KCNMB2: variants seen among roughly 807,000 people sequenced by gnomAD.
KCNMB2 encodes potassium calcium-activated channel subfamily M regulatory beta subunit 2, also known as calcium-activated potassium channel subunit beta-2.
A neutral mutation model predicts 24.5 loss-of-function variants in KCNMB2; 9 were observed. The ratio of observed to expected loss-of-function variants is 0.37; its 90% CI spans 0.22 to 0.64. KCNMB2 has a LOEUF of 0.64. Among genes scored for constraint, KCNMB2 ranks in the 30% least tolerant of loss-of-function variants. The probability of loss-of-function intolerance (pLI) is 0.63; values close to 1 mark genes in which losing one functional copy is unlikely to be tolerated. For missense variants in KCNMB2, 226 were observed against 284.3 expected, an observed-to-expected ratio of 0.79 and a Z score of 1.47; for synonymous variants, 109 against 104.4, an observed-to-expected ratio of 1.04 and a Z score of -0.27.
At chr3:178,696,329 G>A (rs1393750800) in intron 1 of KCNMB2, among the ~76,000 whole-genome samples, 1 of 152,146 alleles carries the variant, frequency 6.6e-6, no homozygotes, top group Middle Eastern at 3.2e-3. Flanking sequence ...ACCATATCAG[G>A]TGAATGTGTA....
chr3:178,759,507 A>C (rs542339375), intron 1 of KCNMB2, among the ~76,000 whole-genome samples: 2 of 125,298 alleles, frequency 1.6e-5, no homozygotes, highest in Non-Finnish European at 3.3e-5. Flanking sequence ...GGATATATAT[A>C]TATCTCTCCA....
At chr3:178,743,061 G>A (rs749543830) in intron 1 of KCNMB2, among the ~76,000 whole-genome samples, 2 of 152,132 alleles carry the variant, frequency 1.3e-5, no homozygotes, top group African/African-American at 2.4e-5. Context: ...TTCCTAGAAG[G>A]GAAAGTAAAG....
intron 1 of KCNMB2, among the ~76,000 whole-genome samples, chr3:178,750,382 C>CA (rs111692939): frequency 4.3e-4 from 64 of 149,558 alleles, no homozygotes; most frequent in African/African-American, 3.9e-4. Flanking sequence ...CAGCCTTCTA[C>CA]AAAAAAAAAC....
At chr3:178,671,198 G>A (rs983105177) in intron 1 of KCNMB2, among the ~76,000 whole-genome samples, 5 of 151,152 alleles carry the variant, frequency 3.3e-5, no homozygotes, top group African/African-American at 9.8e-5. Flanking sequence ...TAAAGAAATC[G>A]AGAGAATCAA....
chr3:178,737,113 T>C (rs562108758), intron 1 of KCNMB2, among the ~76,000 whole-genome samples: 1 of 152,118 alleles, frequency 6.6e-6, no homozygotes, highest in Non-Finnish European at 1.5e-5. Context: ...CTACTAAAAA[T>C]ACAAAAATTA....
chr3:178,594,397 G>A lies in KCNMB2; in HGVS notation c.-68+57686G>A, dbSNP rs1337612304. ...AGTGTGGAAGCAGTGAAGATGGTGGGAAGTTGCCAGATTCTGGATGTGTTT... is the reference window on the plus strand; with the variant it reads ...AGTGTGGAAGCAGTGAAGATGGTGGAAAGTTGCCAGATTCTGGATGTGTTT... On this transcript the variant is annotated intron_variant, in intron 1 of 4. Transcript: ENST00000452583. 2.0e-5 allele frequency among the ~76,000 whole-genome samples: 3 copies of A among 152,094 alleles called. 1 individual carries two copies. Among genetic ancestry groups the A allele is most frequent in the African/African-American group, 7.2e-5 (3 of 41,404 alleles).
intron 1 of KCNMB2, among the ~76,000 whole-genome samples, chr3:178,599,734 C>T (rs1005200797): frequency 6.6e-6 from 1 of 152,132 alleles, no homozygotes; most frequent in African/African-American, 2.4e-5. Flanking sequence ...AAAACTGAAA[C>T]TTCATACCCA....
At chr3:178,700,683 T>C (rs1367410745) in intron 1 of KCNMB2, among the ~76,000 whole-genome samples, 1 of 152,098 alleles carries the variant, frequency 6.6e-6, no homozygotes, top group African/African-American at 2.4e-5. Context: ...TTGCAACATA[T>C]ATTACTCGTG....
chr3:178,607,833 T>A (rs1030413239), intron 1 of KCNMB2, among the ~76,000 whole-genome samples: 4 of 152,126 alleles, frequency 2.6e-5, no homozygotes, highest in African/African-American at 9.7e-5. Flanking sequence ...TAAAATGAGA[T>A]TTTCTTTATA....
chr3:178,699,765 C>T (rs140685391), intron 1 of KCNMB2, among the ~76,000 whole-genome samples: 269 of 152,332 alleles, frequency 1.8e-3, no homozygotes, highest in Middle Eastern at 0.01. Context: ...CCTGACCGTG[C>T]TCCACTACAG....
intron 1 of KCNMB2, among the ~76,000 whole-genome samples, chr3:178,547,263 A>G (rs1460004646): frequency 6.6e-6 from 1 of 152,168 alleles, no homozygotes; most frequent in Non-Finnish European, 1.5e-5. Context: ...CAGGTGTGTA[A>G]GAAATAAATC....
At chr3:178,753,248 CTCAT>C (rs1723910055) in intron 1 of KCNMB2, among the ~76,000 whole-genome samples, 1 of 152,188 alleles carries the variant, frequency 6.6e-6, no homozygotes, top group Non-Finnish European at 1.5e-5. Context: ...CACTCTAACA[CTCAT>C]TCATTCAACA....
At chr3:178,540,765 C>T (rs986613535) in intron 1 of KCNMB2, among the ~76,000 whole-genome samples, 1 of 152,192 alleles carries the variant, frequency 6.6e-6, no homozygotes, top group African/African-American at 2.4e-5. Context: ...CCCCTTTGTA[C>T]ACTTCTTATT....
At chr3:178,557,580 T>G (rs901807346) in intron 1 of KCNMB2, among the ~76,000 whole-genome samples, 2 of 152,206 alleles carry the variant, frequency 1.3e-5, no homozygotes, top group African/African-American at 4.8e-5. Flanking sequence ...CTACCCTTAT[T>G]CGTTGGCCAT....
chr3:178,678,374 C>T (rs940377449), intron 1 of KCNMB2, among the ~76,000 whole-genome samples: 3 of 152,186 alleles, frequency 2.0e-5, no homozygotes, highest in African/African-American at 7.2e-5. Flanking sequence ...GAGCCCATTC[C>T]CTCTTGCCTG....
intron 1 of KCNMB2, among the ~76,000 whole-genome samples, chr3:178,781,204 G>C (rs1372717798): frequency 6.8e-6 from 1 of 147,552 alleles, no homozygotes; most frequent in Non-Finnish European, 1.5e-5. Context: ...AATTATATAT[G>C]TGACACATTC....
intron 1 of KCNMB2, among the ~76,000 whole-genome samples, chr3:178,632,321 G>A (rs1298560157): frequency 6.6e-6 from 1 of 152,166 alleles, no homozygotes; most frequent in Non-Finnish European, 1.5e-5. Flanking sequence ...TGGTGTATTA[G>A]TCCATTCTCA....
chr3:178,708,093 A>G (rs1722336881), intron 1 of KCNMB2, among the ~76,000 whole-genome samples: 1 of 152,164 alleles, frequency 6.6e-6, no homozygotes, highest in Admixed American at 6.6e-5. Context: ...GCCAAAGTTT[A>G]TCTTTTAAGA....
chr3:178,843,465 G>C lies in KCNMB2; in HGVS notation c.*528G>C, dbSNP rs545137635. The C allele has an allele frequency of 3.6e-5, 6 of 168,742 alleles. No individual in the cohort carries two copies. In the South Asian group the frequency reaches 7.2e-4, roughly 20 times the overall value. The allele number at this position is 168,742 out of a possible 1,614,324, so 10.5% of individuals were successfully genotyped here. ...TTTACCATATCACTGTAAAGAAGAG[G>C]GGAAACCCAGCCAGCTACTTTTTTT... On this transcript the variant is annotated 3_prime_UTR_variant, in exon 5 of 5. Transcript: ENST00000452583.
Sources: allele counts gnomAD v4.1 joint callset (sites outside exome capture counted in the v4.1 genomes callset), GRCh38; gene constraint gnomAD v4.1.1; transcripts MANE v1.5; gene names NCBI Gene and HGNC (gene_info 2026-07-23, HGNC 2026-07-21).